IFIH1: variants seen among roughly 807,000 people sequenced by gnomAD.
The protein encoded by IFIH1 is interferon induced with helicase C domain 1.
Under a neutral mutation model 107.4 loss-of-function variants are expected in IFIH1, and 125 were observed. The observed-to-expected ratio is 1.16, with a 90% CI of 1.01 to 1.35. IFIH1 has a LOEUF of 1.35. Among genes scored for constraint, IFIH1 ranks in the 40% most tolerant of loss-of-function variants. The pLI is 0.00. For missense variants in IFIH1, 1,333 were observed against 1,213.7 expected, an observed-to-expected ratio of 1.10 and a Z score of -1.46; for synonymous variants, 458 against 413.2, an observed-to-expected ratio of 1.11 and a Z score of -1.31.
intron 2 of IFIH1, among the ~76,000 whole-genome samples, chr2:162,308,135 G>A (rs932522668): frequency 3.3e-5 from 5 of 152,142 alleles, no homozygotes; most frequent in Admixed American, 3.3e-4. Flanking sequence ...CATCAACTGA[G>A]TGGCTGAAAC....
Position 162,317,938 on chromosome 2 carries a change from T to C in IFIH1, c.370A>G (p.Thr124Ala). 6.2e-7 allele frequency: 1 copy of C among 1,614,102 alleles called. No homozygotes were observed. Among genetic ancestry groups the C allele is most frequent in the Non-Finnish European group, 8.5e-7 (1 of 1,179,994 alleles). The change falls in exon 1 of 16, where the codon ACT becomes GCT. Residue 124 changes from threonine to alanine, a missense_variant. Transcript: ENST00000649979. ...CTAACTAGAAGCTTGTCCACCAGAGTGGGCTGAAGGAGGTTCAGCAGTTGG... is the reference window on the plus strand; with the variant it reads ...CTAACTAGAAGCTTGTCCACCAGAGCGGGCTGAAGGAGGTTCAGCAGTTGG... ...YLQLLNLLQP[T>A]LVDKLLVRDV... is the part of the protein sequence containing the mutation.
At chr2:162,272,463 T>TC in intron 12 of IFIH1, 76 bp from the exon 13 acceptor site, 2 of 1,258,788 alleles carry the variant, frequency 1.6e-6, no homozygotes, top group Non-Finnish European at 2.2e-6. Context: ...CTGGGAATGA[T>TC]ATTCTTGCTC....
chr2:162,317,316 G>GA (rs1180055473), intron 1 of IFIH1, among the ~76,000 whole-genome samples: 1 of 151,998 alleles, frequency 6.6e-6, no homozygotes, highest in Non-Finnish European at 1.5e-5. Context: ...CTGTGGGCCT[G>GA]AAAAAAACAG....
At chr2:162,282,280 G>A (rs34513934) in intron 6 of IFIH1, 86 bp downstream of exon 6, 28 of 818,044 alleles carry the variant, frequency 3.4e-5, no homozygotes, top group Non-Finnish European at 4.7e-5. Flanking sequence ...TTTAAGCCAC[G>A]AACATTTAAA....
In IFIH1 at chr2:162,267,124, A is replaced by T; in HGVS notation, c.*76T>A. The stretch of plus-strand genomic sequence containing the variant: ...TTATTGATTCTTATGTCAGTTCTGT[A>T]GCATAATGAATACATTAATCATAAT... On this transcript the variant is annotated 3_prime_UTR_variant, in exon 16 of 16. Coordinates refer to ENST00000649979, the MANE Select transcript of IFIH1 (RefSeq NM_022168.4). The T allele has an allele frequency of 1.9e-6, 2 of 1,071,728 alleles. No homozygotes were observed. The highest frequency in any genetic ancestry group is 2.7e-6 in the Non-Finnish European group (2 of 737,952). 66.4% of individuals were successfully genotyped at this position (1,071,728 alleles called of 1,614,324 possible). A position where few individuals can be genotyped will look rare whatever the true frequency, so the allele number is the denominator to read the frequency against.
rs1301065934 is a variant in IFIH1, at chr2:162,318,583, T to G, written c.-276A>C. The G allele has an allele frequency of 4.5e-6, 1 of 223,526 alleles. No individual in the cohort carries two copies. Among genetic ancestry groups the G allele is most frequent in the African/African-American group, 2.3e-5 (1 of 43,484 alleles). 13.8% of individuals were successfully genotyped at this position (223,526 alleles called of 1,614,324 possible). On this transcript the variant is annotated 5_prime_UTR_variant, in exon 1 of 16. Coordinates refer to ENST00000649979, the MANE Select transcript of IFIH1 (RefSeq NM_022168.4). The stretch of plus-strand genomic sequence containing the variant: ...GGCCGGCAGGCGCGGCACTTTGGAC[T>G]CTGCGGTGTGCGCCTGGGGTCCCGG...
At chr2:162,290,471 TA>T in intron 4 of IFIH1, among the ~76,000 whole-genome samples, 2 of 151,922 alleles carry the variant, frequency 1.3e-5, no homozygotes, top group Non-Finnish European at 2.9e-5. Flanking sequence ...TTAAAAGGAC[TA>T]TTGTGTTTAC....
At chr2:162,302,267 T>C (rs1683206468) in intron 3 of IFIH1, among the ~76,000 whole-genome samples, 1 of 152,192 alleles carries the variant, frequency 6.6e-6, no homozygotes, top group South Asian at 2.1e-4. Flanking sequence ...AAATAATTAA[T>C]ATTTGCATGC....
chr2:162,276,750 T>TAG lies in IFIH1; in HGVS notation c.2240_2241insCT (p.Gly748Ter). The TAG allele has an allele frequency of 6.2e-7, 1 of 1,614,060 alleles. No homozygotes were observed. On this transcript the variant is annotated frameshift_variant, in exon 11 of 16. Coordinates refer to ENST00000649979, the MANE Select transcript of IFIH1 (RefSeq NM_022168.4). LOFTEE classifies it high-confidence loss of function. Reference sequence around the variant, plus strand: ...CAATCAGATGGTGGGCTTTGACTCCTACTTCAGCAAATTTTTCATTTTCAG... The same window carrying TAG: ...CAATCAGATGGTGGGCTTTGACTCCTAGACTTCAGCAAATTTTTCATTTTCAG...
chr2:162,280,186 T>C, intron 7 of IFIH1, 74 bp from the exon 8 acceptor site: 2 of 814,076 alleles, frequency 2.5e-6, no homozygotes, highest in Non-Finnish European at 4.1e-6. Context: ...GAACTCTTTT[T>C]CATGTAAAAA....
intron 1 of IFIH1, among the ~76,000 whole-genome samples, chr2:162,314,610 C>T (rs1404093870): frequency 6.6e-6 from 1 of 151,832 alleles, no homozygotes; most frequent in Non-Finnish European, 1.5e-5. Flanking sequence ...GCCTCAGCCT[C>T]CCGAGTAACT....
At chr2:162,284,621 T>G (rs192661351) in intron 5 of IFIH1, among the ~76,000 whole-genome samples, 486 of 152,098 alleles carry the variant, frequency 3.2e-3, no homozygotes, top group African/African-American at 0.011. Flanking sequence ...AATTGCCAAT[T>G]AAAGTCTTGA....
chr2:162,273,574 A>G (rs1481507615), intron 12 of IFIH1, among the ~76,000 whole-genome samples: 1 of 152,202 alleles, frequency 6.6e-6, no homozygotes, highest in African/African-American at 2.4e-5. Flanking sequence ...GCTAAAGAGG[A>G]GTTGTTGTTT....
intron 10 of IFIH1, 111 bp downstream of exon 10, chr2:162,277,304 G>C: frequency 1.3e-6 from 1 of 762,558 alleles, no homozygotes; most frequent in Admixed American, 2.8e-5. Flanking sequence ...AATCTGAGTG[G>C]GATTTCTTCT....
intron 13 of IFIH1, 119 bp from the exon 14 acceptor site, chr2:162,268,396 T>C: frequency 1.6e-6 from 1 of 609,752 alleles, no homozygotes; most frequent in Non-Finnish European, 2.8e-6. Context: ...TAGCTTATGG[T>C]CTAGGAAATA....
At position 162,294,348 on chromosome 2, in the gene IFIH1, A is replaced by G. The variant is rs187871396; in HGVS notation, c.770-680T>C. Among the ~76,000 whole-genome samples the G allele has an allele frequency of 2.0e-5, 3 of 152,108 alleles. 1 individual carries two copies. Among genetic ancestry groups the G allele is most frequent in the Admixed American group, 2.0e-4 (3 of 15,236 alleles). On this transcript the variant is annotated intron_variant, in intron 3 of 15. Coordinates refer to ENST00000649979, the MANE Select transcript of IFIH1 (RefSeq NM_022168.4). ...TTATGAATCCTGACATTCTGTTTTCAGAACTCAGGATCAATTCTTTTTGAA... is the reference window on the plus strand; with the variant it reads ...TTATGAATCCTGACATTCTGTTTTCGGAACTCAGGATCAATTCTTTTTGAA...
chr2:162,318,260 C>A lies in IFIH1; in HGVS notation c.48G>T (p.Ser16=), dbSNP rs1418349209. The change falls in exon 1 of 16, where the codon TCG becomes TCT. Residue 16 remains serine, a synonymous_variant. Transcript: ENST00000649979. The part of the protein sequence containing the change: ...STDENFRYLI[S]CFRARVKMYI... ...ACATTTTCACCCTGGCCCTGAAGCACGAGATGAGATAGCGGAAATTCTCGT... is the reference window on the plus strand; with the variant it reads ...ACATTTTCACCCTGGCCCTGAAGCAAGAGATGAGATAGCGGAAATTCTCGT... 2 of 1,613,970 alleles carry A rather than the reference C, an allele frequency of 1.2e-6. No homozygotes were observed. Among genetic ancestry groups the A allele is most frequent in the African/African-American group, 2.7e-5 (2 of 74,904 alleles).
chr2:162,287,559 T>A (rs542894184), intron 5 of IFIH1, among the ~76,000 whole-genome samples: 60 of 151,870 alleles, frequency 4.0e-4, no homozygotes, highest in African/African-American at 1.3e-3. Context: ...TATGTGTATA[T>A]TTTATATATA....
At chr2:162,280,983 G>A (rs1478292872) in intron 7 of IFIH1, among the ~76,000 whole-genome samples, 1 of 151,978 alleles carries the variant, frequency 6.6e-6, no homozygotes, top group Non-Finnish European at 1.5e-5. Context: ...TTTATTATGT[G>A]TGACAACTAG....
Sources: allele counts gnomAD v4.1 joint callset (sites outside exome capture counted in the v4.1 genomes callset), GRCh38; gene constraint gnomAD v4.1.1; transcripts MANE v1.5; gene names NCBI Gene and HGNC (gene_info 2026-07-23, HGNC 2026-07-21).